The following RBFOX1 variants were observed in gnomAD, a reference collection of about 807,000 sequenced individuals.
RBFOX1 encodes the protein RNA binding fox-1 homolog 1.
RBFOX1 carries 8 observed loss-of-function variants against 57.7 expected under a neutral mutation model. The ratio of observed to expected loss-of-function variants is 0.14; its 90% confidence interval spans 0.08 to 0.25. RBFOX1 has a LOEUF of 0.25. Among genes scored for constraint, RBFOX1 ranks in the 10% least tolerant of loss-of-function variants. The probability of loss-of-function intolerance (pLI) is 1.00; values close to 1 mark genes in which losing one functional copy is unlikely to be tolerated. For synonymous variants in RBFOX1, 326 were observed against 222.4 expected, an observed-to-expected ratio of 1.47 and a Z score of -4.15; for missense variants, 611 against 548.5, an observed-to-expected ratio of 1.11 and a Z score of -1.14.
intron 12 of RBFOX1, among the ~76,000 whole-genome samples, chr16:7,663,306 C>T (rs77341079): frequency 6.6e-6 from 1 of 152,202 alleles, no homozygotes; most frequent in Non-Finnish European, 1.5e-5. Flanking sequence ...CTCTTGTGAA[C>T]TGTAGCCCTC....
chr16:5,694,699 C>T (rs1249103933), intron 3 of RBFOX1, among the ~76,000 whole-genome samples: 2 of 151,914 alleles, frequency 1.3e-5, no homozygotes, highest in Non-Finnish European at 2.9e-5. Context: ...CTGGCCCTGA[C>T]TCCCGATTTA....
At chr16:5,865,908 G>T (rs2151894634) in intron 3 of RBFOX1, among the ~76,000 whole-genome samples, 1 of 152,198 alleles carries the variant, frequency 6.6e-6, no homozygotes, top group Non-Finnish European at 1.5e-5. Flanking sequence ...GGAGGAGAGA[G>T]AGAGAGAGGG....
intron 5 of RBFOX1, among the ~76,000 whole-genome samples, chr16:7,537,834 G>C (rs866367508): frequency 1.3e-5 from 2 of 152,156 alleles, no homozygotes; most frequent in African/African-American, 2.4e-5. Flanking sequence ...TTATGCATTG[G>C]AAAACAATTC....
At chr16:7,463,844 G>C (rs2060009707) in intron 4 of RBFOX1, among the ~76,000 whole-genome samples, 1 of 152,202 alleles carries the variant, frequency 6.6e-6, no homozygotes, top group South Asian at 2.1e-4. Flanking sequence ...CACTGAGATA[G>C]ATACTTCAAA....
chr16:5,807,976 C>T (rs866749677), intron 3 of RBFOX1, among the ~76,000 whole-genome samples: 32 of 152,312 alleles, frequency 2.1e-4, no homozygotes, highest in African/African-American at 7.7e-4. Flanking sequence ...TCAATTTCCT[C>T]CTTCCTTCTT....
At chr16:6,505,087 T>C (rs755337736) in intron 2 of RBFOX1, among the ~76,000 whole-genome samples, 35 of 152,036 alleles carry the variant, frequency 2.3e-4, no homozygotes, top group Admixed American at 4.6e-4. Flanking sequence ...AATAAATAAA[T>C]AAAAATTAGA....
At chr16:7,416,251 G>A (rs981235735) in intron 4 of RBFOX1, among the ~76,000 whole-genome samples, 5 of 152,150 alleles carry the variant, frequency 3.3e-5, no homozygotes, top group East Asian at 1.9e-4. Context: ...TTCTCCCCTC[G>A]CTCTCCCTTT....
chr16:7,325,791 C>G (rs936520212), intron 4 of RBFOX1, among the ~76,000 whole-genome samples: 2 of 152,200 alleles, frequency 1.3e-5, no homozygotes, highest in African/African-American at 4.8e-5. Flanking sequence ...GCCATCCTCT[C>G]CTTCACTGGG....
intron 3 of RBFOX1, among the ~76,000 whole-genome samples, chr16:5,745,026 G>T (rs934696886): frequency 6.6e-6 from 1 of 152,270 alleles, no homozygotes; most frequent in East Asian, 1.9e-4. Context: ...CGTGTGCCCT[G>T]TTGGTGTGCT....
At chr16:7,191,940 A>G (rs1347061336) in intron 4 of RBFOX1, among the ~76,000 whole-genome samples, 2 of 152,230 alleles carry the variant, frequency 1.3e-5, no homozygotes, top group African/African-American at 4.8e-5. Context: ...ATAATAATTT[A>G]TTAAATTTCC....
chr16:6,653,842 G>A lies in RBFOX1; in HGVS notation c.-63-761G>A, dbSNP rs375662125. Reference sequence around the variant, plus strand: ...GGAGAAGGATGCAGGATAGATGGATGATTGGATAGATGGGGATGGCTGGGT... The same window carrying A: ...GGAGAAGGATGCAGGATAGATGGATAATTGGATAGATGGGGATGGCTGGGT... On this transcript the variant is annotated intron_variant, in intron 2 of 15. Coordinates refer to ENST00000550418, the MANE Select transcript of RBFOX1 (RefSeq NM_018723.4). 1.6e-4 allele frequency among the ~76,000 whole-genome samples: 24 copies of A among 151,942 alleles called. No homozygotes were observed. The East Asian group carries it at 3.3e-3, about 21-fold the overall frequency.
chr16:5,396,676 A>T (rs1260945701), intron 1 of RBFOX1, among the ~76,000 whole-genome samples: 1 of 152,096 alleles, frequency 6.6e-6, no homozygotes, highest in Admixed American at 6.6e-5. Context: ...AGGAGGAAAG[A>T]TCAAGATTCA....
intron 4 of RBFOX1, among the ~76,000 whole-genome samples, chr16:7,404,409 C>G (rs181180429): frequency 6.6e-6 from 1 of 152,148 alleles, no homozygotes; most frequent in African/African-American, 2.4e-5. Flanking sequence ...AGGGACAGGC[C>G]TCCAAGCTTC....
chr16:7,490,527 T>G (rs897856647), intron 4 of RBFOX1, among the ~76,000 whole-genome samples: 3 of 152,232 alleles, frequency 2.0e-5, no homozygotes, highest in Non-Finnish European at 4.4e-5. Context: ...TAATGTACCT[T>G]TACTCCCCAT....
At chr16:6,039,710 A>G (rs149324164) in intron 1 of RBFOX1, among the ~76,000 whole-genome samples, 26 of 152,358 alleles carry the variant, frequency 1.7e-4, no homozygotes, top group African/African-American at 6.3e-4. Context: ...TCTGCCTTTT[A>G]TGGTGCCTTT....
chr16:5,577,812 C>A (rs1448612546), intron 2 of RBFOX1, among the ~76,000 whole-genome samples: 1 of 152,206 alleles, frequency 6.6e-6, no homozygotes, highest in Admixed American at 6.5e-5. Flanking sequence ...AAGTGGAAGA[C>A]ATGGTTCTTC....
At chr16:6,286,825 T>C (rs1449904971) in intron 1 of RBFOX1, among the ~76,000 whole-genome samples, 1 of 152,178 alleles carries the variant, frequency 6.6e-6, no homozygotes, top group Non-Finnish European at 1.5e-5. Context: ...TCCTAAATAA[T>C]ATTATTTATT....
At chr16:6,215,496 G>A (rs556920498) in intron 1 of RBFOX1, among the ~76,000 whole-genome samples, 1 of 152,022 alleles carries the variant, frequency 6.6e-6, no homozygotes, top group South Asian at 2.1e-4. Flanking sequence ...GACAGAGTGT[G>A]CATGCCCATA....
intron 5 of RBFOX1, among the ~76,000 whole-genome samples, chr16:7,545,784 T>G (rs1318737050): frequency 1.3e-5 from 2 of 152,068 alleles, no homozygotes; most frequent in East Asian, 3.9e-4. Context: ...AACGTGGTCT[T>G]GGGTCTCAGC....
Sources: gnomAD v4.1 joint callset for allele counts (sites outside exome capture counted in the v4.1 genomes callset) on GRCh38, gnomAD v4.1.1 for gene constraint, MANE v1.5 for transcripts, NCBI Gene and HGNC (gene_info 2026-07-23, HGNC 2026-07-21) for gene names.